HERC1: variants seen among roughly 807,000 people sequenced by gnomAD.
HERC1 encodes HECT and RLD domain containing E3 ubiquitin protein ligase family member 1, also known as probable E3 ubiquitin-protein ligase HERC1.
Under a neutral mutation model 554.3 loss-of-function variants are expected in HERC1, and 160 were observed. That is an observed-to-expected ratio of 0.29 (90% CI 0.25 to 0.33). HERC1 has a LOEUF of 0.33. HERC1 is among the 10% of genes least tolerant of loss of function. The pLI is 1.00. For missense variants in HERC1, 4,919 were observed against 5,918.5 expected (o/e 0.83, Z 5.54); for synonymous variants, 2,175 against 2,131.7 (o/e 1.02, Z -0.56).
In HERC1 at chr15:63,727,741, G is replaced by A; in HGVS notation, c.3252C>T (p.Tyr1084=). The A allele has an allele frequency of 2.5e-6, 4 of 1,613,922 alleles. No individual in the cohort carries two copies. Among genetic ancestry groups the A allele is most frequent in the Non-Finnish European group, 3.4e-6 (4 of 1,179,830 alleles). ...CAAGAGGTGGCAACAAGTCGAGGAG[G>A]TAACTCAATAAAGGCCGAGCCACTG... is the stretch of plus-strand genomic sequence containing the variant. The part of the protein sequence containing the change: ...PVSVARPLLS[Y]LLDLLPPLDC... The change falls in exon 17 of 78, where the codon TAC becomes TAT. Residue 1084 remains tyrosine, a synonymous_variant. Coordinates refer to ENST00000443617, the MANE Select transcript of HERC1 (RefSeq NM_003922.4). The surrounding 1 kb of genome is among the most constrained non-coding windows in gnomAD (Gnocchi z 4.3).
chr15:63,746,911 C>G lies in HERC1; in HGVS notation c.2520+7G>C. On this transcript the variant is annotated splice_region_variant and intron_variant, in intron 12 of 77. Transcript: ENST00000443617. ...GAGATACAGATTCACAAGTCCTATT[C>G]TCTTACCTCTTGGATTTCATCTGGG... 1 of 1,551,462 alleles carries G rather than the reference C, an allele frequency of 6.4e-7. No individual in the cohort carries two copies. The highest frequency in any genetic ancestry group is 8.7e-7 in the Non-Finnish European group (1 of 1,146,708).
chr15:63,742,756 G>A (rs947045671), intron 12 of HERC1, among the ~76,000 whole-genome samples: 2 of 151,952 alleles, frequency 1.3e-5, no homozygotes, highest in Non-Finnish European at 2.9e-5. Flanking sequence ...TATTAATATG[G>A]TGTATTATAT....
Position 63,645,626 on chromosome 15 carries a change from G to A in HERC1, c.10935C>T (p.Ala3645=). 6.2e-7 allele frequency: 1 copy of A among 1,611,452 alleles called. No individual in the cohort carries two copies. The highest frequency in any genetic ancestry group is 8.5e-7 in the Non-Finnish European group (1 of 1,178,774). ...CCCAGAGTTTCACACTGTCTTCTTT[G>A]GCACATGTCATAAGAATATGACCTG... ...DPTGHILMTC[A]KEDSVKLWGS... Residue 3645 remains alanine (A), a synonymous_variant, in exon 56 of 78, where the codon GCC becomes GCT. Coordinates refer to ENST00000443617, the MANE Select transcript of HERC1 (RefSeq NM_003922.4).
At chr15:63,740,334 G>A (rs2074744044) in intron 12 of HERC1, among the ~76,000 whole-genome samples, 1 of 152,178 alleles carries the variant, frequency 6.6e-6, no homozygotes, top group Admixed American at 6.5e-5. Context: ...TTTATCAGTT[G>A]ACAGACACAT....
intron 1 of HERC1, among the ~76,000 whole-genome samples, chr15:63,779,009 A>G (rs1257171844): frequency 2.0e-5 from 3 of 152,076 alleles, no homozygotes; most frequent in Non-Finnish European, 4.4e-5. Flanking sequence ...AAATATGAAG[A>G]AAAAGGCAAA....
intron 24 of HERC1, among the ~76,000 whole-genome samples, chr15:63,709,331 T>A (rs925177745): frequency 4.0e-5 from 6 of 151,802 alleles, no homozygotes; most frequent in African/African-American, 1.5e-4. Flanking sequence ...AAAAATGGGT[T>A]TTTTTTTAGT....
intron 47 of HERC1, among the ~76,000 whole-genome samples, chr15:63,659,379 G>A (rs1276872306): frequency 1.3e-5 from 2 of 152,094 alleles, no homozygotes; most frequent in Non-Finnish European, 2.9e-5. Context: ...AGCCTCCTGA[G>A]TAGCTGGGAC....
At chr15:63,681,123 A>C (rs2071454571) in intron 34 of HERC1, among the ~76,000 whole-genome samples, 1 of 152,218 alleles carries the variant, frequency 6.6e-6, no homozygotes, top group Non-Finnish European at 1.5e-5. Flanking sequence ...ACTCTCTTGC[A>C]TATACCTCTG....
intron 39 of HERC1, 150 bp from the exon 40 acceptor site, chr15:63,669,848 T>A (rs2070814449): frequency 4.9e-6 from 3 of 614,622 alleles, no homozygotes; most frequent in Non-Finnish European, 8.5e-6. Flanking sequence ...TCCTTAGTTT[T>A]AAAAATGATT....
chr15:63,615,956 G>T, intron 75 of HERC1, 36 bp from the exon 76 acceptor site: 1 of 1,518,530 alleles, frequency 6.6e-7, no homozygotes, highest in Non-Finnish European at 8.8e-7. Context: ...TTATTACATG[G>T]TAGAAATGAC....
chr15:63,790,329 A>G (rs1348328125), intron 1 of HERC1, among the ~76,000 whole-genome samples: 1 of 152,216 alleles, frequency 6.6e-6, no homozygotes, highest in African/African-American at 2.4e-5. Context: ...CTGTAATCCC[A>G]GCACTTTAGG....
At chr15:63,730,026 CAAAAA>C (rs57121923) in intron 14 of HERC1, among the ~76,000 whole-genome samples, 1 of 71,476 alleles carries the variant, frequency 1.4e-5, no homozygotes, top group African/African-American at 5.4e-5. Flanking sequence ...AACTATGTCT[CAAAAA>C]AAAAAAAAAA....
chr15:63,704,895 C>T (rs915362164), intron 25 of HERC1, among the ~76,000 whole-genome samples: 2 of 151,992 alleles, frequency 1.3e-5, no homozygotes, highest in Middle Eastern at 3.4e-3. Context: ...CCCACCACCA[C>T]GCCCGGCTAA....
chr15:63,692,323 C>G lies in HERC1; in HGVS notation c.5830+88G>C. Reference sequence around the variant, plus strand: ...GAAAAGCCTTCAAATCAAGGTTACACATGGAGTGTTGCTAAAGTCTGGCAT... The same window carrying G: ...GAAAAGCCTTCAAATCAAGGTTACAGATGGAGTGTTGCTAAAGTCTGGCAT... On this transcript the variant is annotated intron_variant, in intron 31 of 77. Coordinates refer to ENST00000443617, the MANE Select transcript of HERC1 (RefSeq NM_003922.4). This position sits in a 1 kb window ranked among gnomAD's most constrained non-coding sequence, Gnocchi z 4.7. 4 of 991,962 alleles carry G rather than the reference C, an allele frequency of 4.0e-6. No individual in the cohort carries two copies. Among genetic ancestry groups the G allele is most frequent in the South Asian group, 4.4e-5 (2 of 45,776 alleles). The allele number at this position is 991,962 out of a possible 1,614,324, so 61.4% of individuals were successfully genotyped here.
chr15:63,734,585 GGAAT>G lies in HERC1; in HGVS notation c.2646+135_2646+138del, dbSNP rs1283147701. ...TCACCTAAGGTTGTTAAGACAACTG[GGAAT>G]TCTTCCAGCACAACACATTAACCCA... On this transcript the variant is annotated intron_variant, in intron 13 of 77. Transcript: ENST00000443617. The surrounding 1 kb of genome is among the most constrained non-coding windows in gnomAD (Gnocchi z 4.6). The G allele has an allele frequency of 1.2e-5, 7 of 593,564 alleles. No individual in the cohort carries two copies. Among genetic ancestry groups the G allele is most frequent in the Non-Finnish European group, 1.6e-5 (6 of 367,294 alleles). 36.8% of individuals were successfully genotyped at this position (593,564 alleles called of 1,614,324 possible).
chr15:63,662,033 G>A lies in HERC1; in HGVS notation c.8902-12C>T. ...GACTCACAAACATGCTGCACAAAAG[G>A]ATTTCATACCAAATGATTAGTCAAT... On this transcript the variant is annotated splice_polypyrimidine_tract_variant and intron_variant, in intron 44 of 77. Coordinates refer to ENST00000443617, the MANE Select transcript of HERC1 (RefSeq NM_003922.4). 1.9e-6 allele frequency: 3 copies of A among 1,601,494 alleles called. No homozygotes were observed. In the South Asian group the frequency reaches 3.3e-5, roughly 18 times the overall value.
intron 75 of HERC1, 44 bp from the exon 76 acceptor site, chr15:63,615,964 G>T (rs755553890): frequency 1.4e-5 from 20 of 1,481,396 alleles, no homozygotes; most frequent in Admixed American, 2.5e-5. Flanking sequence ...TGGTAGAAAT[G>T]ACAGCAAAAA....
chr15:63,775,444 T>C lies in HERC1; in HGVS notation c.180A>G (p.Pro60=), dbSNP rs1307813140. 3 of 1,614,006 alleles carry C rather than the reference T, an allele frequency of 1.9e-6. No individual in the cohort carries two copies. The highest frequency in any genetic ancestry group is 2.5e-6 in the Non-Finnish European group (3 of 1,179,886). ...ACTCACGTTCAAAGTCTGGCAACTG[T>C]GGTCCTTTGAGGCATAAAACTTGTT... ...LPQQVLCLKG[P]QLPDFERESL... The change falls in exon 2 of 78, where the codon CCA becomes CCG. Residue 60 remains proline (P), a synonymous_variant. Transcript: ENST00000443617. The surrounding 1 kb of genome is among the most constrained non-coding windows in gnomAD (Gnocchi z 4.0).
intron 26 of HERC1, among the ~76,000 whole-genome samples, chr15:63,696,651 T>C (rs1260788683): frequency 6.6e-6 from 1 of 152,194 alleles, no homozygotes; most frequent in Non-Finnish European, 1.5e-5. Context: ...ACTTACTGAA[T>C]TTGTTTCCTC....
Sources: allele counts gnomAD v4.1 joint callset (sites outside exome capture counted in the v4.1 genomes callset), GRCh38; gene constraint gnomAD v4.1.1; non-coding constraint Gnocchi (gnomAD v3.1); transcripts MANE v1.5; gene names NCBI Gene and HGNC (gene_info 2026-07-23, HGNC 2026-07-21).